Variants in ARHGAP39 observed in about 807,000 individuals in gnomAD.
ARHGAP39 encodes the protein rho GTPase-activating protein 39.
ARHGAP39 carries 44 observed loss-of-function variants against 106.9 expected under a neutral mutation model. That is an observed-to-expected ratio of 0.41 (90% CI 0.32 to 0.53). ARHGAP39 has a LOEUF of 0.53. ARHGAP39 is among the 20% of genes least tolerant of loss of function. The pLI is 0.21. For missense variants in ARHGAP39, 1,496 were observed against 1,577.3 expected (o/e 0.95, Z 0.87); for synonymous variants, 768 against 693.2 (o/e 1.11, Z -1.69).
At chr8:144,698,886 CTTGGGGGGG>C in the ARHGAP39 span, 11 of 455,874 alleles carry the variant, frequency 2.4e-5, no homozygotes, top group Non-Finnish European at 4.8e-5. Flanking sequence ...CCACCCCTCC[CTTGGGGGGG>C]TTGGGGGGTC....
At chr8:144,602,017 G>A (rs1471383196) in intron 2 of ARHGAP39, among the ~76,000 whole-genome samples, 3 of 142,842 alleles carry the variant, frequency 2.1e-5, no homozygotes, top group Non-Finnish European at 4.5e-5. Context: ...GTGCATGGAG[G>A]CGTGTGTGTG....
chr8:144,537,546 A>G (rs1198885472), intron 7 of ARHGAP39, among the ~76,000 whole-genome samples, 175 bp downstream of exon 7: 2 of 152,150 alleles, frequency 1.3e-5, no homozygotes, highest in African/African-American at 2.4e-5. Flanking sequence ...TGACCGCTCC[A>G]GGGGTCCAGT....
intron 1 of ARHGAP39, among the ~76,000 whole-genome samples, chr8:144,669,283 G>A (rs1202159115): frequency 7.2e-6 from 1 of 138,912 alleles, no homozygotes; most frequent in Non-Finnish European, 1.5e-5. Context: ...GAGGCGGGTG[G>A]ATCACGAGGT....
At chr8:144,690,401 A>G (rs1178699148), upstream of ARHGAP39, among the ~76,000 whole-genome samples, 2 of 151,924 alleles carry the variant, frequency 1.3e-5, no homozygotes, top group South Asian at 4.1e-4. Context: ...CCACTGCAAA[A>G]TTGTACCATT....
intron 2 of ARHGAP39, among the ~76,000 whole-genome samples, chr8:144,587,903 A>G (rs1354722679): frequency 2.6e-5 from 4 of 152,154 alleles, no homozygotes; most frequent in Middle Eastern, 3.2e-3. Flanking sequence ...TTGGCCTCCC[A>G]AAGTGTTGGG....
intron 1 of ARHGAP39, among the ~76,000 whole-genome samples, chr8:144,655,830 G>A (rs1292965898): frequency 6.6e-6 from 1 of 152,148 alleles, no homozygotes; most frequent in African/African-American, 2.4e-5. Flanking sequence ...CTATGGATGT[G>A]ACAAACTTGA....
At chr8:144,578,653 G>A (rs1001300849) in intron 3 of ARHGAP39, among the ~76,000 whole-genome samples, 3 of 152,100 alleles carry the variant, frequency 2.0e-5, no homozygotes, top group African/African-American at 7.2e-5. Context: ...TTGGAGACCA[G>A]CCTGGGCAAC....
chr8:144,598,145 C>T (rs1415923510), intron 2 of ARHGAP39, among the ~76,000 whole-genome samples: 1 of 152,216 alleles, frequency 6.6e-6, no homozygotes. Flanking sequence ...GCCTCGAAGG[C>T]TGGACACCTG....
At chr8:144,603,546 C>T (rs187399596) in intron 2 of ARHGAP39, among the ~76,000 whole-genome samples, 15 of 152,020 alleles carry the variant, frequency 9.9e-5, no homozygotes, top group Middle Eastern at 3.4e-3. Context: ...AAAAATTAGC[C>T]GGGCGTGGTG....
intron 1 of ARHGAP39, among the ~76,000 whole-genome samples, chr8:144,661,244 G>A (rs1821814924): frequency 6.6e-6 from 1 of 152,160 alleles, no homozygotes. Flanking sequence ...ACAGGAGGAG[G>A]CCATTCCACT....
intron 1 of ARHGAP39, among the ~76,000 whole-genome samples, chr8:144,620,767 G>A (rs973366533): frequency 3.3e-5 from 5 of 152,384 alleles, no homozygotes; most frequent in African/African-American, 1.2e-4. Flanking sequence ...CCATCCACCT[G>A]CGTCTCCAGG....
In ARHGAP39 at chr8:144,645,099, T is replaced by TA. The variant is rs574954837; in HGVS notation, c.-81-39405dup. 2.0e-5 allele frequency among the ~76,000 whole-genome samples: 3 copies of TA among 152,190 alleles called. No individual in the cohort carries two copies. Among genetic ancestry groups the TA allele is most frequent in the Non-Finnish European group, 4.4e-5 (3 of 68,034 alleles). ...AGAAAACACTGGGCAGGTCCACAGT[T>TA]AAACTGCAACTCTCTAACAAGAAGT... On this transcript the variant is annotated intron_variant, in intron 1 of 11. Transcript: ENST00000377307. This position sits in a 1 kb window ranked among gnomAD's most constrained non-coding sequence, Gnocchi z 4.4.
At chr8:144,603,478 CAGG>C in intron 2 of ARHGAP39, among the ~76,000 whole-genome samples, 1 of 152,012 alleles carries the variant, frequency 6.6e-6, no homozygotes, top group Non-Finnish European at 1.5e-5. Flanking sequence ...ATCACGAGGT[CAGG>C]AGTTCAAGAC....
intron 1 of ARHGAP39, among the ~76,000 whole-genome samples, chr8:144,657,256 CA>C (rs1821719968): frequency 6.7e-6 from 1 of 150,038 alleles, no homozygotes; most frequent in Non-Finnish European, 1.5e-5. Context: ...TAATAAAAGA[CA>C]AAAAAGGAAA....
At chr8:144,622,515 A>G (rs1303381535) in intron 1 of ARHGAP39, among the ~76,000 whole-genome samples, 1 of 151,958 alleles carries the variant, frequency 6.6e-6, no homozygotes, top group Non-Finnish European at 1.5e-5. Context: ...CCGCCCTCCC[A>G]GGAGAGGAGG....
intron 4 of ARHGAP39, among the ~76,000 whole-genome samples, chr8:144,554,517 C>T (rs1196369869): frequency 6.6e-6 from 1 of 152,168 alleles, no homozygotes; most frequent in African/African-American, 2.4e-5. Context: ...CAGGTGGGCA[C>T]GTCCACCACG....
chr8:144,663,179 T>C (rs571621219), intron 1 of ARHGAP39, among the ~76,000 whole-genome samples: 5 of 151,228 alleles, frequency 3.3e-5, no homozygotes, highest in African/African-American at 9.7e-5. Flanking sequence ...CTTCCTCACT[T>C]GGCCTCTTGG....
In ARHGAP39 at chr8:144,670,397, C is replaced by T. The variant is rs1822072693; in HGVS notation, c.-82+15289G>A. Among the ~76,000 whole-genome samples the T allele has an allele frequency of 6.6e-6, 1 of 152,232 alleles. No individual in the cohort carries two copies. The highest frequency in any genetic ancestry group is 2.1e-4 in the South Asian group (1 of 4,838). ...CGGGCCATCGAGCCTCTGAATCCCA[C>T]ACCTCTGCCATCTCCCCTCAGCCTC... On this transcript the variant is annotated intron_variant, in intron 1 of 11. Coordinates refer to ENST00000377307, the MANE Select transcript of ARHGAP39 (RefSeq NM_025251.3). The surrounding 1 kb of genome is among the most constrained non-coding windows in gnomAD (Gnocchi z 4.4).
intron 1 of ARHGAP39, among the ~76,000 whole-genome samples, chr8:144,631,873 A>C (rs1177152022): frequency 1.3e-5 from 2 of 152,246 alleles, no homozygotes; most frequent in Non-Finnish European, 2.9e-5. Flanking sequence ...TGTCAGTGTC[A>C]AGAACTGAGA....
Sources: allele counts gnomAD v4.1 joint callset (sites outside exome capture counted in the v4.1 genomes callset), GRCh38; gene constraint gnomAD v4.1.1; non-coding constraint Gnocchi (gnomAD v3.1); transcripts MANE v1.5; gene names NCBI Gene and HGNC (gene_info 2026-07-23, HGNC 2026-07-21).